ARHGAP6: variants seen among roughly 807,000 people sequenced by gnomAD.
The protein encoded by ARHGAP6 is Rho GTPase activating protein 6, also known as rho GTPase-activating protein 6.
Under a neutral mutation model 55.7 loss-of-function variants are expected in ARHGAP6, and 16 were observed. The ratio of observed to expected loss-of-function variants is 0.29; its 90% CI spans 0.19 to 0.44. The LOEUF is 0.44. ARHGAP6 is among the 20% of genes least tolerant of loss of function. ARHGAP6 has a pLI of 1.00. For synonymous variants in ARHGAP6, 382 were observed against 360.9 expected, an observed-to-expected ratio of 1.06 and a Z score of -0.66; for missense variants, 698 against 808.9, an observed-to-expected ratio of 0.86 and a Z score of 1.66.
At position 11,213,267 on chromosome X, in the gene ARHGAP6, C is replaced by A. The variant is rs1343992351; in HGVS notation, c.749-16271G>T. Among the ~76,000 whole-genome samples the A allele has an allele frequency of 8.0e-5, 9 of 112,824 alleles. No individual in the cohort carries two copies. The Admixed American group carries it at 8.4e-4, about 11-fold the overall frequency. On this transcript the variant is annotated intron_variant, in intron 2 of 12. Coordinates refer to ENST00000337414, the MANE Select transcript of ARHGAP6 (RefSeq NM_013427.3). Reference sequence around the variant, plus strand: ...CCATGCCCTGTGTGCTTCCAACACGCCCAGCTGCATCCTTTTTATCAATGG... The same window carrying A: ...CCATGCCCTGTGTGCTTCCAACACGACCAGCTGCATCCTTTTTATCAATGG...
intron 1 of ARHGAP6, among the ~76,000 whole-genome samples, chrX:11,343,935 G>A (rs889861204): frequency 1.8e-5 from 2 of 111,852 alleles, no homozygotes; most frequent in African/African-American, 6.5e-5. Flanking sequence ...ATCCCAGTAT[G>A]GTTATGACAC....
intron 1 of ARHGAP6, among the ~76,000 whole-genome samples, chrX:11,648,133 C>A (rs1029463885): frequency 1.8e-5 from 2 of 112,031 alleles, no homozygotes; most frequent in African/African-American, 3.2e-5. Context: ...ATAAAGTGTA[C>A]ATTTCAAGAT....
chrX:11,643,625 T>C (rs761786436), intron 1 of ARHGAP6, among the ~76,000 whole-genome samples: 2 of 111,970 alleles, frequency 1.8e-5, no homozygotes, highest in South Asian at 7.4e-4. Context: ...CATTTATATA[T>C]AAAGGAGATT....
intron 1 of ARHGAP6, among the ~76,000 whole-genome samples, chrX:11,361,584 A>G (rs1603129632): frequency 2.7e-5 from 3 of 110,310 alleles, no homozygotes; most frequent in African/African-American, 9.9e-5. Context: ...CATTCAGGAC[A>G]TAGGCATGGG....
chrX:11,302,655 T>C (rs1195203718), intron 1 of ARHGAP6, among the ~76,000 whole-genome samples: 4 of 111,423 alleles, frequency 3.6e-5, no homozygotes, highest in Non-Finnish European at 7.5e-5. Context: ...GCATGCTTTC[T>C]GGGTTTACCT....
chrX:11,506,536 C>T (rs1772299488), intron 1 of ARHGAP6, among the ~76,000 whole-genome samples: 2 of 111,362 alleles, frequency 1.8e-5, no homozygotes, highest in African/African-American at 6.5e-5. Context: ...TGATGGATTC[C>T]AGCTTCACCT....
intron 1 of ARHGAP6, among the ~76,000 whole-genome samples, chrX:11,632,393 A>G (rs2052370161): frequency 1.8e-5 from 2 of 112,399 alleles, no homozygotes; most frequent in African/African-American, 6.5e-5. Flanking sequence ...GCTGCTAGAA[A>G]GCCTTTGGGG....
chrX:11,573,545 A>C (rs766183290), intron 1 of ARHGAP6, among the ~76,000 whole-genome samples: 17 of 109,343 alleles, frequency 1.6e-4, no homozygotes, highest in African/African-American at 5.7e-4. Context: ...ATTGATCTAT[A>C]TCTCTGTTTT....
intron 1 of ARHGAP6, chrX:11,298,595 A>G (rs2048123557): frequency 1.7e-6 from 2 of 1,208,437 alleles, no homozygotes; most frequent in Admixed American, 2.2e-5. Flanking sequence ...TGCACCACCA[A>G]ATCATCCCCG....
In ARHGAP6 at chrX:11,426,313, G is replaced by A. The variant is rs1157653066; in HGVS notation, c.589-171606C>T. ...CAACTGGAGCAGCTCCGGGATGCCT[G>A]AGTCCACCACCCCTGTCCACCTCTA... is the stretch of plus-strand genomic sequence containing the variant. On this transcript the variant is annotated intron_variant, in intron 1 of 12. Coordinates refer to ENST00000337414, the MANE Select transcript of ARHGAP6 (RefSeq NM_013427.3). 2.7e-5 allele frequency among the ~76,000 whole-genome samples: 3 copies of A among 110,848 alleles called. No homozygotes were observed. In the East Asian group the frequency reaches 8.4e-4, roughly 31 times the overall value.
intron 1 of ARHGAP6, among the ~76,000 whole-genome samples, chrX:11,388,962 T>C (rs1035893711): frequency 8.9e-6 from 1 of 112,266 alleles, no homozygotes; most frequent in Admixed American, 9.4e-5. Context: ...GAATGTCTTA[T>C]TTAGGTCACA....
Position 11,383,558 on chromosome X carries a change from T to C in ARHGAP6, c.589-128851A>G, listed in dbSNP as rs185314514. 3.1e-3 allele frequency among the ~76,000 whole-genome samples: 343 copies of C among 111,400 alleles called. 3 individuals are homozygous for C. Among genetic ancestry groups the C allele is most frequent in the African/African-American group, 0.011 (325 of 30,651 alleles). ...GAGCCTTGGCCTGTGGTCTCTGCCA[T>C]TGGTGGCTGTACTGTTCTGACTCAA... On this transcript the variant is annotated intron_variant, in intron 1 of 12. Transcript: ENST00000337414.
intron 1 of ARHGAP6, among the ~76,000 whole-genome samples, chrX:11,392,997 C>T (rs1336586951): frequency 9.0e-6 from 1 of 111,221 alleles, no homozygotes; most frequent in Admixed American, 9.6e-5. Context: ...TACTGAATTA[C>T]AAGAAGGATA....
At chrX:11,280,607 T>TGGTG in intron 1 of ARHGAP6, among the ~76,000 whole-genome samples, 1 of 109,795 alleles carries the variant, frequency 9.1e-6, no homozygotes, top group Admixed American at 9.7e-5. Flanking sequence ...AGGCCAGGCA[T>TGGTG]GGTGGCTCAC....
chrX:11,205,951 G>A (rs1372832277), intron 2 of ARHGAP6, among the ~76,000 whole-genome samples: 1 of 112,145 alleles, frequency 8.9e-6, no homozygotes, highest in Non-Finnish European at 1.9e-5. Context: ...ACAGCTATTA[G>A]ATAGACGAAT....
chrX:11,187,903 G>A (rs748929728), intron 4 of ARHGAP6, among the ~76,000 whole-genome samples: 37 of 111,690 alleles, frequency 3.3e-4, no homozygotes, highest in Non-Finnish European at 5.5e-4. Context: ...GTGGTGGTGC[G>A]CATCTGTAGT....
At chrX:11,365,083 C>T (rs1373905781) in intron 1 of ARHGAP6, among the ~76,000 whole-genome samples, 1 of 111,987 alleles carries the variant, frequency 8.9e-6, no homozygotes, top group African/African-American at 3.2e-5. Flanking sequence ...CCGGGAAAGT[C>T]TCCTGCTATG....
chrX:11,650,981 C>A (rs1323920647), intron 1 of ARHGAP6, among the ~76,000 whole-genome samples: 2 of 112,094 alleles, frequency 1.8e-5, no homozygotes, highest in Non-Finnish European at 3.8e-5. Flanking sequence ...ATTCAACACA[C>A]CTCCTTGAGG....
At chrX:11,326,744 T>C (rs1355430784) in intron 1 of ARHGAP6, among the ~76,000 whole-genome samples, 2 of 112,377 alleles carry the variant, frequency 1.8e-5, no homozygotes, top group African/African-American at 6.5e-5. Context: ...GTAAACGTTT[T>C]CATTTTCCAT....
Sources: gnomAD v4.1 joint callset for allele counts (sites outside exome capture counted in the v4.1 genomes callset) on GRCh38, gnomAD v4.1.1 for gene constraint, MANE v1.5 for transcripts, NCBI Gene and HGNC (gene_info 2026-07-23, HGNC 2026-07-21) for gene names.